CDC123: variants seen among roughly 807,000 people sequenced by gnomAD.
CDC123 encodes cell division cycle 123, also known as translation initiation factor eIF2 assembly protein.
A neutral mutation model predicts 54.4 loss-of-function variants in CDC123; 37 were observed. The ratio of observed to expected loss-of-function variants is 0.68; its 90% CI spans 0.52 to 0.89. CDC123 has a LOEUF of 0.89. CDC123 is among the 40% of genes least tolerant of loss of function. The probability of loss-of-function intolerance (pLI) is 0.00; values close to 1 mark genes in which losing one functional copy is unlikely to be tolerated. For missense variants in CDC123, 361 were observed against 412.1 expected (o/e 0.88, Z 1.07); for synonymous variants, 144 against 136.8 (o/e 1.05, Z -0.37).
intron 6 of CDC123, among the ~76,000 whole-genome samples, chr10:12,222,549 A>G (rs1480533146): frequency 1.3e-5 from 2 of 152,220 alleles, no homozygotes; most frequent in African/African-American, 4.8e-5. Flanking sequence ...ATGTTATTAA[A>G]CTTGCTGAGT....
intron 10 of CDC123, among the ~76,000 whole-genome samples, chr10:12,240,862 C>G (rs1209794783): frequency 1.3e-5 from 2 of 152,184 alleles, no homozygotes; most frequent in Non-Finnish European, 2.9e-5. Context: ...CAGGTTGTGT[C>G]TGGTCTTCTG....
At chr10:12,199,482 T>C (rs1256272467) in intron 2 of CDC123, among the ~76,000 whole-genome samples, 2 of 152,188 alleles carry the variant, frequency 1.3e-5, no homozygotes, top group East Asian at 3.8e-4. Flanking sequence ...TAGAATGCAG[T>C]TTCATGAAAA....
intron 4 of CDC123, among the ~76,000 whole-genome samples, chr10:12,214,136 TG>T (rs1355518988): frequency 6.6e-6 from 1 of 152,256 alleles, no homozygotes. Flanking sequence ...TTGAGGGGAC[TG>T]ATCACATCTT....
chr10:12,202,826 C>A (rs944340134), intron 2 of CDC123, among the ~76,000 whole-genome samples: 1 of 152,134 alleles, frequency 6.6e-6, no homozygotes, highest in Admixed American at 6.6e-5. Flanking sequence ...ACCGGCTTGG[C>A]CAACATGGCG....
chr10:12,244,368 C>T (rs190909676), intron 10 of CDC123, among the ~76,000 whole-genome samples: 18 of 152,384 alleles, frequency 1.2e-4, no homozygotes, highest in Admixed American at 9.1e-4. Context: ...CAAAGATAAA[C>T]CTTTCGAGGA....
At chr10:12,240,764 G>A (rs920193812) in intron 10 of CDC123, among the ~76,000 whole-genome samples, 13 of 151,402 alleles carry the variant, frequency 8.6e-5, no homozygotes, top group Non-Finnish European at 1.2e-4. Context: ...AGCTACTCCC[G>A]GGAGCTGAGT....
rs187242516 is a variant in CDC123, at chr10:12,228,394, A to G, written c.441-2554A>G. ...AGAGATTTTTGCTTTACAGAGAAAA[A>G]CTAGGTTGTTTTTAGTTTTTTTTTT... On this transcript the variant is annotated intron_variant, in intron 6 of 12. Transcript: ENST00000281141. Among the ~76,000 whole-genome samples the G allele has an allele frequency of 3.5e-5, 5 of 143,152 alleles. No individual in the cohort carries two copies. In the East Asian group the frequency reaches 8.1e-4, roughly 23 times the overall value. The allele number at this position is 143,152 out of a possible 152,430, so 93.9% of individuals were successfully genotyped here.
intron 7 of CDC123, among the ~76,000 whole-genome samples, chr10:12,232,656 C>T (rs1208447665): frequency 1.3e-5 from 2 of 152,168 alleles, no homozygotes; most frequent in African/African-American, 4.8e-5. Flanking sequence ...ATTTTCCCAG[C>T]TTATTAAACA....
intron 4 of CDC123, among the ~76,000 whole-genome samples, chr10:12,214,707 G>A (rs1341112291): frequency 1.3e-5 from 2 of 151,894 alleles, no homozygotes; most frequent in Non-Finnish European, 1.5e-5. Context: ...TTTTTCTCTC[G>A]CATAGCTGGG....
intron 6 of CDC123, among the ~76,000 whole-genome samples, chr10:12,224,532 C>T (rs535741994): frequency 4.3e-4 from 65 of 152,132 alleles, no homozygotes; most frequent in Middle Eastern, 3.4e-3. Context: ...ACATTTATTA[C>T]TTAATCACAT....
At chr10:12,226,617 C>T (rs542278465) in intron 6 of CDC123, among the ~76,000 whole-genome samples, 99 of 150,774 alleles carry the variant, frequency 6.6e-4, no homozygotes, top group African/African-American at 2.3e-3. Flanking sequence ...ACATCCCAGA[C>T]GGGGCGGCGG....
Position 12,228,789 on chromosome 10 carries a change from C to T in CDC123, c.441-2159C>T, listed in dbSNP as rs1032514948. Among the ~76,000 whole-genome samples, 8 of 152,340 alleles carry T rather than the reference C, an allele frequency of 5.3e-5. No individual in the cohort carries two copies. In the East Asian group the frequency reaches 5.8e-4, roughly 11 times the overall value. On this transcript the variant is annotated intron_variant, in intron 6 of 12. Coordinates refer to ENST00000281141, the MANE Select transcript of CDC123 (RefSeq NM_006023.3). ...TTCTCCATGTTGGTTAGGCTGGTCT[C>T]GAACTCCCAACCTCAGGTGATCTGC...
intron 10 of CDC123, among the ~76,000 whole-genome samples, chr10:12,243,656 C>T (rs1278823452): frequency 4.0e-5 from 6 of 150,962 alleles, no homozygotes; most frequent in South Asian, 4.2e-4. Flanking sequence ...TGATGGCGGA[C>T]GCCTGTAGTC....
At chr10:12,229,741 G>A (rs1368581475) in intron 6 of CDC123, among the ~76,000 whole-genome samples, 1 of 152,234 alleles carries the variant, frequency 6.6e-6, no homozygotes, top group African/African-American at 2.4e-5. Context: ...GCATAGATGG[G>A]CATTTAATAA....
chr10:12,206,679 T>C (rs1436110072), intron 2 of CDC123, among the ~76,000 whole-genome samples: 1 of 151,910 alleles, frequency 6.6e-6, no homozygotes, highest in East Asian at 1.9e-4. Flanking sequence ...GGGCATGAGG[T>C]CAGATGCGGT....
At chr10:12,232,332 A>C (rs1250121720) in intron 7 of CDC123, among the ~76,000 whole-genome samples, 1 of 152,058 alleles carries the variant, frequency 6.6e-6, no homozygotes, top group African/African-American at 2.4e-5. Flanking sequence ...TTGGTCATAT[A>C]ACACCAATTC....
chr10:12,218,657 A>G (rs1306671421), intron 6 of CDC123, among the ~76,000 whole-genome samples: 1 of 152,122 alleles, frequency 6.6e-6, no homozygotes, highest in Non-Finnish European at 1.5e-5. Flanking sequence ...GTACCATGAC[A>G]TATTTGACCT....
chr10:12,201,271 A>G (rs923406922), intron 2 of CDC123, among the ~76,000 whole-genome samples: 1 of 152,242 alleles, frequency 6.6e-6, no homozygotes, highest in Non-Finnish European at 1.5e-5. Flanking sequence ...ACATGGAACT[A>G]CTTTTATTAT....
intron 6 of CDC123, among the ~76,000 whole-genome samples, chr10:12,219,236 TTAAG>T (rs1250592803): frequency 6.6e-6 from 1 of 152,234 alleles, no homozygotes; most frequent in Non-Finnish European, 1.5e-5. Context: ...GAAAGGGAAG[TTAAG>T]TAATCAGTGA....
Sources: allele counts gnomAD v4.1 joint callset (sites outside exome capture counted in the v4.1 genomes callset), GRCh38; gene constraint gnomAD v4.1.1; transcripts MANE v1.5; gene names NCBI Gene and HGNC (gene_info 2026-07-23, HGNC 2026-07-21).